Variants in ECPAS observed in about 807,000 individuals in gnomAD.
ECPAS encodes the protein proteasome adapter and scaffold protein ECM29.
Under a neutral mutation model 255.1 loss-of-function variants are expected in ECPAS, and 70 were observed. That is an observed-to-expected ratio of 0.27 (90% CI 0.23 to 0.33). The LOEUF (loss-of-function observed/expected upper bound fraction) is 0.33. Among genes scored for constraint, ECPAS ranks in the 10% least tolerant of loss-of-function variants. ECPAS has a pLI of 1.00. For synonymous variants in ECPAS, 784 were observed against 775.0 expected (o/e 1.01, Z -0.19); for missense variants, 1,817 against 2,206.4 (o/e 0.82, Z 3.54).
chr9:111,465,043 C>A (rs2098277769), intron 2 of ECPAS, among the ~76,000 whole-genome samples: 1 of 151,422 alleles, frequency 6.6e-6, no homozygotes, highest in Admixed American at 6.6e-5. Context: ...GAGGCTGAGG[C>A]AGGAGAATAG....
intron 41 of ECPAS, 103 bp from the exon 42 acceptor site, chr9:111,372,723 A>T: frequency 1.1e-6 from 1 of 899,786 alleles, no homozygotes; most frequent in Non-Finnish European, 1.6e-6. Context: ...ACAAACAGGT[A>T]AAATCAATTA....
At chr9:111,383,998 T>C (rs955830748) in intron 34 of ECPAS, among the ~76,000 whole-genome samples, 5 of 143,470 alleles carry the variant, frequency 3.5e-5, no homozygotes, top group Admixed American at 2.1e-4. Flanking sequence ...TCATCATCAA[T>C]AACGCTGGGT....
chr9:111,483,409 G>C lies in ECPAS; in HGVS notation c.-83+707C>G, dbSNP rs1483878495. ...ACGCCGCGGCCGCCGCCCGCCCACC[G>C]GGCCTGGCGCCCCAGCCCTCATGCG... is the stretch of plus-strand genomic sequence containing the variant. On this transcript the variant is annotated intron_variant, in intron 1 of 49. Transcript: ENST00000684092. 24 of 521,148 alleles carry C rather than the reference G, an allele frequency of 4.6e-5. 1 individual carries two copies. In the South Asian group the frequency reaches 1.8e-3, roughly 39 times the overall value. 32.3% of individuals were successfully genotyped at this position (521,148 alleles called of 1,614,324 possible).
At chr9:111,396,708 C>T (rs1465118179) in intron 25 of ECPAS, among the ~76,000 whole-genome samples, 4 of 152,032 alleles carry the variant, frequency 2.6e-5, no homozygotes, top group Admixed American at 1.3e-4. Flanking sequence ...TGTGCCACCA[C>T]GCCCAGCTAA....
At chr9:111,449,041 G>C (rs1353170763) in intron 3 of ECPAS, among the ~76,000 whole-genome samples, 1 of 152,000 alleles carries the variant, frequency 6.6e-6, no homozygotes, top group Non-Finnish European at 1.5e-5. Flanking sequence ...TTTGTTATTT[G>C]ACCTTAAACA....
chr9:111,390,225 T>G (rs2098157399), intron 29 of ECPAS, 124 bp from the exon 30 acceptor site: 2 of 561,616 alleles, frequency 3.6e-6, no homozygotes, highest in Non-Finnish European at 6.3e-6. Flanking sequence ...TAATACTGAG[T>G]TATCACCATG....
intron 24 of ECPAS, among the ~76,000 whole-genome samples, chr9:111,404,620 C>T (rs1455448551): frequency 1.3e-5 from 2 of 149,198 alleles, no homozygotes; most frequent in Non-Finnish European, 2.9e-5. Context: ...TTCCTCTTCG[C>T]CTTCTGCCAA....
Position 111,413,899 on chromosome 9 carries a change from A to G in ECPAS, c.2075T>C (p.Ile692Thr). Residue 692 changes from isoleucine to threonine, a missense_variant, in exon 20 of 50, where the codon ATA (isoleucine) becomes ACA (threonine). Ile to Thr is a moderately conservative substitution (Grantham distance 89). Transcript: ENST00000684092. The stretch of plus-strand genomic sequence containing the variant: ...AAAGGTACATGCAGAACATACCTTT[A>G]TCCATTCTGTTTTGTCTACAAATTT... The part of the protein sequence containing the change: ...ATKFVDKTEW[I>T]KSLMNNSKEE... 6.4e-7 allele frequency: 1 copy of G among 1,561,458 alleles called. No individual in the cohort carries two copies. The highest frequency in any genetic ancestry group is 8.7e-7 in the Non-Finnish European group (1 of 1,147,862).
chr9:111,470,646 C>A (rs531047281), intron 2 of ECPAS, among the ~76,000 whole-genome samples: 1 of 151,914 alleles, frequency 6.6e-6, no homozygotes, highest in Non-Finnish European at 1.5e-5. Context: ...AAACTCCCTG[C>A]CAATCCAGCA....
chr9:111,420,396 G>C (rs774676681), intron 15 of ECPAS, among the ~76,000 whole-genome samples: 2 of 152,024 alleles, frequency 1.3e-5, no homozygotes, highest in Non-Finnish European at 2.9e-5. Flanking sequence ...GACCTCCAAG[G>C]ACCATAACTA....
Position 111,484,303 on chromosome 9 carries a change from C to G in ECPAS, c.-270G>C. ...ATCCTCGAGGCGGGGCCGGAGCGCC[C>G]TTTTCCGAGGTCTGCGGCTGTCACG... On this transcript the variant is annotated 5_prime_UTR_variant, in exon 1 of 50. Coordinates refer to ENST00000684092, the MANE Select transcript of ECPAS (RefSeq NM_001364929.1). The G allele has an allele frequency of 6.4e-7, 1 of 1,567,348 alleles. No homozygotes were observed. The highest frequency in any genetic ancestry group is 1.7e-4 in the Middle Eastern group (1 of 5,862).
intron 1 of ECPAS, chr9:111,483,528 C>A: frequency 1.0e-6 from 1 of 963,402 alleles, no homozygotes; most frequent in Non-Finnish European, 1.2e-6. Context: ...GAGGCGGAGG[C>A]GGCGGCCGCA....
At chr9:111,482,366 C>A (rs2098307080) in intron 1 of ECPAS, among the ~76,000 whole-genome samples, 1 of 152,200 alleles carries the variant, frequency 6.6e-6, no homozygotes, top group Non-Finnish European at 1.5e-5. Context: ...TCCAAACCTG[C>A]CTCCTCTTTA....
intron 9 of ECPAS, among the ~76,000 whole-genome samples, chr9:111,430,058 C>G (rs2098227567): frequency 6.6e-6 from 1 of 152,178 alleles, no homozygotes; most frequent in Non-Finnish European, 1.5e-5. Context: ...ACCATTTATT[C>G]TGATAAGGTC....
chr9:111,394,093 T>C, intron 26 of ECPAS, 67 bp downstream of exon 26: 1 of 1,446,692 alleles, frequency 6.9e-7, no homozygotes, highest in Non-Finnish European at 9.2e-7. Flanking sequence ...TTCACCCTCA[T>C]ATGCTTTCCT....
intron 32 of ECPAS, 81 bp downstream of exon 32, chr9:111,386,296 C>T (rs2098148398): frequency 4.4e-6 from 4 of 919,226 alleles, no homozygotes; most frequent in Non-Finnish European, 6.9e-6. Context: ...ATTCCTTTTG[C>T]ACAAAGTATA....
intron 6 of ECPAS, among the ~76,000 whole-genome samples, chr9:111,437,570 G>T (rs1046250123): frequency 2.6e-5 from 4 of 152,074 alleles, no homozygotes; most frequent in African/African-American, 9.7e-5. Flanking sequence ...CTGAACTGAG[G>T]TCTTTATCCC....
intron 24 of ECPAS, among the ~76,000 whole-genome samples, chr9:111,406,592 T>C (rs978182480): frequency 4.0e-5 from 6 of 149,840 alleles, no homozygotes; most frequent in Non-Finnish European, 8.8e-5. Flanking sequence ...ACACATTGTA[T>C]GCTTGTATCA....
intron 35 of ECPAS, among the ~76,000 whole-genome samples, chr9:111,381,949 G>A (rs2098141072): frequency 6.6e-6 from 1 of 151,214 alleles, no homozygotes; most frequent in African/African-American, 2.4e-5. Context: ...CATTTAACAT[G>A]TTCCTCTTTC....
Sources: gnomAD v4.1 joint callset for allele counts (sites outside exome capture counted in the v4.1 genomes callset) on GRCh38, gnomAD v4.1.1 for gene constraint, MANE v1.5 for transcripts, NCBI Gene and HGNC (gene_info 2026-07-23, HGNC 2026-07-21) for gene names.